PIK3R4: variants seen among roughly 807,000 people sequenced by gnomAD.
The protein encoded by PIK3R4 is phosphoinositide 3-kinase regulatory subunit 4.
A neutral mutation model predicts 136.5 loss-of-function variants in PIK3R4; 46 were observed. The observed-to-expected ratio is 0.34, with a 90% CI of 0.27 to 0.43. The LOEUF is 0.43. PIK3R4 is among the 20% of genes least tolerant of loss of function. The probability of loss-of-function intolerance (pLI) is 1.00; values close to 1 mark genes in which losing one functional copy is unlikely to be tolerated. For synonymous variants in PIK3R4, 557 were observed against 566.7 expected, an observed-to-expected ratio of 0.98 and a Z score of 0.24; for missense variants, 1,331 against 1,649.5, an observed-to-expected ratio of 0.81 and a Z score of 3.35.
intron 15 of PIK3R4, among the ~76,000 whole-genome samples, chr3:130,685,037 ACT>A (rs796180652): frequency 2.3e-4 from 35 of 152,290 alleles, no homozygotes; most frequent in African/African-American, 8.4e-4. Flanking sequence ...ACAGAAGATA[ACT>A]CTCTGAATAA....
chr3:130,713,751 C>A (rs116281940), intron 9 of PIK3R4, among the ~76,000 whole-genome samples: 4,636 of 152,242 alleles, frequency 0.03, 91 homozygotes, highest in Middle Eastern at 0.071. Context: ...CAGCTCAATG[C>A]GACCTCTGCC....
intron 7 of PIK3R4, among the ~76,000 whole-genome samples, chr3:130,723,053 A>ATC (rs1410781415): frequency 1.7e-5 from 2 of 117,422 alleles, no homozygotes; most frequent in Non-Finnish European, 3.4e-5. Context: ...ACAGAGTGAG[A>ATC]GACTGTCGCA....
At chr3:130,736,532 C>G (rs1168853693) in intron 2 of PIK3R4, among the ~76,000 whole-genome samples, 3 of 151,942 alleles carry the variant, frequency 2.0e-5, no homozygotes, top group Non-Finnish European at 2.9e-5. Flanking sequence ...TGCAATGAGC[C>G]AAGATCGTGC....
At chr3:130,724,510 T>C (rs886684556) in intron 6 of PIK3R4, among the ~76,000 whole-genome samples, 2 of 152,032 alleles carry the variant, frequency 1.3e-5, no homozygotes, top group African/African-American at 2.4e-5. Flanking sequence ...TCATAATCAG[T>C]CTATACATAA....
chr3:130,691,192 C>A (rs924977674), intron 13 of PIK3R4, among the ~76,000 whole-genome samples: 4 of 152,094 alleles, frequency 2.6e-5, no homozygotes, highest in Non-Finnish European at 5.9e-5. Context: ...ATCTTAAACC[C>A]TCACTCTTAT....
chr3:130,723,299 G>A, intron 7 of PIK3R4, 115 bp downstream of exon 7: 2 of 845,700 alleles, frequency 2.4e-6, no homozygotes, highest in East Asian at 2.6e-5. Context: ...ACAATCAATA[G>A]TAGGAACCCC....
chr3:130,734,166 T>G, intron 3 of PIK3R4, 36 bp from the exon 4 acceptor site: 1 of 1,517,008 alleles, frequency 6.6e-7, no homozygotes, highest in African/African-American at 1.4e-5. Context: ...AAAATAGATT[T>G]GAGAATAGAA....
intron 2 of PIK3R4, among the ~76,000 whole-genome samples, chr3:130,739,277 C>T (rs913885192): frequency 2.3e-4 from 35 of 152,248 alleles, no homozygotes; most frequent in African/African-American, 7.0e-4. Flanking sequence ...GGGGTTTCAC[C>T]GTGTTAGCCA....
chr3:130,713,748 A>G (rs2066645357), intron 9 of PIK3R4, among the ~76,000 whole-genome samples: 1 of 152,110 alleles, frequency 6.6e-6, no homozygotes, highest in African/African-American at 2.4e-5. Context: ...TCTCAGCTCA[A>G]TGCGACCTCT....
chr3:130,713,935 G>C (rs891089119), intron 9 of PIK3R4, among the ~76,000 whole-genome samples: 5 of 152,122 alleles, frequency 3.3e-5, no homozygotes, highest in Non-Finnish European at 5.9e-5. Context: ...GCCTCCCAAA[G>C]TGCTGAGATT....
At chr3:130,720,739 T>C (rs573906619) in intron 7 of PIK3R4, among the ~76,000 whole-genome samples, 1 of 152,136 alleles carries the variant, frequency 6.6e-6, no homozygotes. Context: ...GGTGAGAGAT[T>C]ACAGCACCTG....
intron 13 of PIK3R4, 27 bp downstream of exon 13, chr3:130,703,696 A>G (rs777875315): frequency 3.9e-6 from 6 of 1,544,580 alleles, no homozygotes; most frequent in Non-Finnish European, 3.6e-6. Flanking sequence ...GAATTAATGA[A>G]CTGATTCATT....
chr3:130,714,099 G>T (rs1318832388), intron 9 of PIK3R4, among the ~76,000 whole-genome samples: 1 of 152,142 alleles, frequency 6.6e-6, no homozygotes, highest in Non-Finnish European at 1.5e-5. Context: ...CTTTGATAAG[G>T]ATTACTTACT....
chr3:130,692,904 A>G (rs1465154602), intron 13 of PIK3R4, among the ~76,000 whole-genome samples: 1 of 152,228 alleles, frequency 6.6e-6, no homozygotes, highest in African/African-American at 2.4e-5. Context: ...CAAAGTCACC[A>G]CATTTTACAA....
chr3:130,720,003 A>G (rs2066689853), intron 7 of PIK3R4, among the ~76,000 whole-genome samples: 1 of 152,160 alleles, frequency 6.6e-6, no homozygotes, highest in Non-Finnish European at 1.5e-5. Flanking sequence ...CAGAACCTGA[A>G]GCAGGGCCAC....
At chr3:130,709,213 C>T (rs1036360501) in intron 9 of PIK3R4, among the ~76,000 whole-genome samples, 1 of 152,218 alleles carries the variant, frequency 6.6e-6, no homozygotes, top group East Asian at 1.9e-4. Flanking sequence ...GCACTTGAAA[C>T]GGACAAATAC....
chr3:130,707,014 C>A lies in PIK3R4; in HGVS notation c.2655G>T (p.Gln885His), dbSNP rs774039477. ...ACTCGGAACGAGGAGGTTTCCCAGTCTGAATCACCTCCTGATCACTCCCTT... is the reference window on the plus strand; with the variant it reads ...ACTCGGAACGAGGAGGTTTCCCAGTATGAATCACCTCCTGATCACTCCCTT... ...LPKGSDQEVI[Q>H]TGKPPRSESS... is the part of the protein sequence containing the mutation. The change falls in exon 11 of 20, where the codon CAG becomes CAT. Residue 885 changes from glutamine (Q) to histidine (H), a missense_variant. Physicochemically the swap from Gln to His is conservative, Grantham distance 24. Coordinates refer to ENST00000356763, the MANE Select transcript of PIK3R4 (RefSeq NM_014602.3). The A allele has an allele frequency of 4.3e-6, 7 of 1,612,948 alleles. No homozygotes were observed. The highest frequency in any genetic ancestry group is 4.2e-6 in the Non-Finnish European group (5 of 1,179,518).
chr3:130,727,427 G>T (rs975614851), intron 6 of PIK3R4, among the ~76,000 whole-genome samples: 1 of 152,098 alleles, frequency 6.6e-6, no homozygotes, highest in African/African-American at 2.4e-5. Context: ...GTTTCACCGT[G>T]TTAGCCAGGA....
Position 130,719,109 on chromosome 3 carries a change from G to A in PIK3R4, c.1982-575C>T, listed in dbSNP as rs2107613679. Among the ~76,000 whole-genome samples, 2 of 152,146 alleles carry A rather than the reference G, an allele frequency of 1.3e-5. 1 individual carries two copies. Among genetic ancestry groups the A allele is most frequent in the South Asian group, 4.2e-4 (2 of 4,810 alleles). Reference sequence around the variant, plus strand: ...TACTTTCACAAGGCAATGATGAATGGAAACAAAAAGGCTGAAAACATGATA... The same window carrying A: ...TACTTTCACAAGGCAATGATGAATGAAAACAAAAAGGCTGAAAACATGATA... On this transcript the variant is annotated intron_variant, in intron 7 of 19. Coordinates refer to ENST00000356763, the MANE Select transcript of PIK3R4 (RefSeq NM_014602.3).
Sources: allele counts gnomAD v4.1 joint callset (sites outside exome capture counted in the v4.1 genomes callset), GRCh38; gene constraint gnomAD v4.1.1; transcripts MANE v1.5; gene names NCBI Gene and HGNC (gene_info 2026-07-23, HGNC 2026-07-21).